The following PCMTD1 variants were observed in gnomAD, a reference collection of about 807,000 sequenced individuals.
The protein encoded by PCMTD1 is protein-L-isoaspartate O-methyltransferase domain-containing protein 1.
PCMTD1 carries 12 observed loss-of-function variants against 37.6 expected under a neutral mutation model. The ratio of observed to expected loss-of-function variants is 0.32; its 90% CI spans 0.20 to 0.52. The LOEUF (loss-of-function observed/expected upper bound fraction) is 0.52. PCMTD1 is among the 20% of genes least tolerant of loss of function. The pLI, the probability that PCMTD1 is intolerant of heterozygous loss-of-function variation, is 0.97. For missense variants in PCMTD1, 235 were observed against 421.3 expected, an observed-to-expected ratio of 0.56 and a Z score of 3.87; for synonymous variants, 117 against 135.8, an observed-to-expected ratio of 0.86 and a Z score of 0.96.
chr8:51,821,040 G>A (rs752894039), intron 5 of PCMTD1, among the ~76,000 whole-genome samples: 2 of 152,194 alleles, frequency 1.3e-5, no homozygotes, highest in Non-Finnish European at 2.9e-5. Flanking sequence ...AAGACCAGGA[G>A]AGAGACTATC....
At chr8:51,865,354 C>G (rs1263602241) in intron 1 of PCMTD1, among the ~76,000 whole-genome samples, 1 of 152,052 alleles carries the variant, frequency 6.6e-6, no homozygotes, top group Non-Finnish European at 1.5e-5. Flanking sequence ...GATACTGAAG[C>G]TAGATAAGGA....
At chr8:51,869,843 G>A (rs527324069) in intron 1 of PCMTD1, among the ~76,000 whole-genome samples, 3 of 152,276 alleles carry the variant, frequency 2.0e-5, no homozygotes, top group Admixed American at 2.0e-4. Context: ...TCTCTCTGCT[G>A]TGTGTTAGGT....
At chr8:51,883,416 T>C (rs2038820277) in intron 1 of PCMTD1, among the ~76,000 whole-genome samples, 1 of 152,066 alleles carries the variant, frequency 6.6e-6, no homozygotes, top group Non-Finnish European at 1.5e-5. Flanking sequence ...AAGAGTAAAA[T>C]GTATATATAT....
intron 1 of PCMTD1, among the ~76,000 whole-genome samples, chr8:51,881,457 C>G (rs1585850583): frequency 6.6e-6 from 1 of 152,236 alleles, no homozygotes; most frequent in African/African-American, 2.4e-5. Flanking sequence ...AGACAAAACG[C>G]CTCAATTTGC....
At chr8:51,872,582 G>T (rs1198371792) in intron 1 of PCMTD1, among the ~76,000 whole-genome samples, 1 of 152,008 alleles carries the variant, frequency 6.6e-6, no homozygotes. Context: ...AGATCAACAG[G>T]GAAGCATGAT....
intron 1 of PCMTD1, among the ~76,000 whole-genome samples, chr8:51,898,585 G>C (rs538054286): frequency 2.6e-5 from 4 of 152,238 alleles, no homozygotes; most frequent in Admixed American, 1.3e-4. Flanking sequence ...AGCCGAGGAC[G>C]AGCCGAGGAC....
chr8:51,855,632 T>C (rs902180847), intron 2 of PCMTD1, among the ~76,000 whole-genome samples: 2 of 151,878 alleles, frequency 1.3e-5, no homozygotes, highest in African/African-American at 4.8e-5. Flanking sequence ...ACAGAGTATA[T>C]CTTATACAGA....
At chr8:51,865,118 A>C (rs1278720843) in intron 1 of PCMTD1, among the ~76,000 whole-genome samples, 1 of 152,122 alleles carries the variant, frequency 6.6e-6, no homozygotes, top group Non-Finnish European at 1.5e-5. Context: ...AACCTACCCA[A>C]GTTGAATCAA....
In PCMTD1 at chr8:51,863,024, A is replaced by T. The variant is rs934430077; in HGVS notation, c.-95-1778T>A. Among the ~76,000 whole-genome samples the T allele has an allele frequency of 4.6e-5, 4 of 87,496 alleles. No homozygotes were observed. In the Admixed American group the frequency reaches 5.7e-4, roughly 12 times the overall value. 57.4% of individuals were successfully genotyped at this position (87,496 alleles called of 152,430 possible). ...TGCTGAGTCCAATTGTAGCATTTCA[A>T]TACTTTTTTTTTTTTTAATAACATG... On this transcript the variant is annotated intron_variant, in intron 1 of 5. Transcript: ENST00000522514.
At chr8:51,895,104 T>G (rs2038982148) in intron 1 of PCMTD1, among the ~76,000 whole-genome samples, 2 of 152,144 alleles carry the variant, frequency 1.3e-5, no homozygotes, top group Admixed American at 1.3e-4. Flanking sequence ...TGTGTGGGAT[T>G]GCCAAAGAAG....
chr8:51,829,672 A>T (rs966128934), intron 5 of PCMTD1, among the ~76,000 whole-genome samples: 1 of 152,146 alleles, frequency 6.6e-6, no homozygotes, highest in African/African-American at 2.4e-5. Context: ...CAGGAGGCCG[A>T]GGCAGGAGAA....
intron 1 of PCMTD1, among the ~76,000 whole-genome samples, chr8:51,888,691 T>C (rs1195804680): frequency 6.6e-6 from 1 of 152,236 alleles, no homozygotes; most frequent in Non-Finnish European, 1.5e-5. Flanking sequence ...CATTTTTATC[T>C]AGCACCGAGT....
chr8:51,873,374 A>G (rs2038664917), intron 1 of PCMTD1, among the ~76,000 whole-genome samples: 1 of 152,208 alleles, frequency 6.6e-6, no homozygotes, highest in African/African-American at 2.4e-5. Flanking sequence ...TGAGAAATGC[A>G]CACTTAAAAA....
chr8:51,881,289 A>G (rs1355265507), intron 1 of PCMTD1, among the ~76,000 whole-genome samples: 1 of 152,178 alleles, frequency 6.6e-6, no homozygotes, highest in Non-Finnish European at 1.5e-5. Flanking sequence ...CTTCAAGCTT[A>G]ACTGGATTTT....
At chr8:51,855,744 C>T (rs952173943) in intron 2 of PCMTD1, among the ~76,000 whole-genome samples, 9 of 151,854 alleles carry the variant, frequency 5.9e-5, no homozygotes, top group Admixed American at 5.9e-4. Flanking sequence ...CTGCAAGCTC[C>T]GCCTCCCGGG....
At chr8:51,850,130 G>C (rs1261989778) in intron 2 of PCMTD1, 1 of 701,032 alleles carries the variant, frequency 1.4e-6, no homozygotes. Context: ...CAGATGTCTT[G>C]GCTTCCAATC....
chr8:51,899,129 C>A, upstream of PCMTD1: 2 of 1,395,554 alleles, frequency 1.4e-6, no homozygotes, highest in Non-Finnish European at 1.9e-6. Context: ...GAACCACGGG[C>A]ACAGGGGCAG....
intron 3 of PCMTD1, 73 bp from the exon 4 acceptor site, chr8:51,833,762 C>G: frequency 8.2e-7 from 1 of 1,218,536 alleles, no homozygotes; most frequent in Non-Finnish European, 1.1e-6. Context: ...ATAATCCAGT[C>G]CTTTGAAATA....
At chr8:51,855,240 A>C (rs1050517758) in intron 2 of PCMTD1, among the ~76,000 whole-genome samples, 67 of 150,788 alleles carry the variant, frequency 4.4e-4, no homozygotes, top group African/African-American at 1.6e-3. Context: ...AAAAAAAAAA[A>C]AACAGAGCAA....
Sources: allele counts gnomAD v4.1 joint callset (sites outside exome capture counted in the v4.1 genomes callset), GRCh38; gene constraint gnomAD v4.1.1; transcripts MANE v1.5; gene names NCBI Gene and HGNC (gene_info 2026-07-23, HGNC 2026-07-21).